The following BFSP2 variants were observed in gnomAD, a reference collection of about 807,000 sequenced individuals.
BFSP2 encodes phakinin.
Under a neutral mutation model 44.9 loss-of-function variants are expected in BFSP2, and 38 were observed. That is an observed-to-expected ratio of 0.85 (90% CI 0.65 to 1.11). The LOEUF (loss-of-function observed/expected upper bound fraction) is 1.11, where lower values mean the gene tolerates loss of function less well. Among genes scored for constraint, BFSP2 ranks in the 50% least tolerant of loss-of-function variants. The pLI is 0.00. For synonymous variants in BFSP2, 197 were observed against 209.9 expected (o/e 0.94, Z 0.53); for missense variants, 525 against 533.0 (o/e 0.99, Z 0.15).
At chr3:133,417,106 C>T (rs1227116857) in intron 1 of BFSP2, among the ~76,000 whole-genome samples, 17 of 141,804 alleles carry the variant, frequency 1.2e-4, no homozygotes, top group Admixed American at 2.8e-4. Flanking sequence ...CCCCTCTACT[C>T]ACCCCTGCCT....
intron 1 of BFSP2, among the ~76,000 whole-genome samples, chr3:133,436,808 A>C (rs1411157916): frequency 6.6e-6 from 1 of 151,900 alleles, no homozygotes; most frequent in Non-Finnish European, 1.5e-5. Flanking sequence ...TCCTGTGTCC[A>C]AGTGTCCTCA....
chr3:133,420,481 G>C (rs377498231), intron 1 of BFSP2, among the ~76,000 whole-genome samples: 1 of 152,172 alleles, frequency 6.6e-6, no homozygotes. Flanking sequence ...GAATCACCGC[G>C]TGCCCTTGTC....
chr3:133,471,957 C>T (rs2074165837), intron 5 of BFSP2, among the ~76,000 whole-genome samples: 1 of 152,038 alleles, frequency 6.6e-6, no homozygotes, highest in Admixed American at 6.6e-5. Flanking sequence ...AGAAAAAGCC[C>T]CGGAGAACAA....
Position 133,429,983 on chromosome 3 carries a change from C to T in BFSP2, c.490-17334C>T, listed in dbSNP as rs376887881. ...ATGTGTTCTCATTGTTCAATTCCCA[C>T]CTATGAGTGAGAACATGCGGTGTTT... On this transcript the variant is annotated intron_variant, in intron 1 of 6. Coordinates refer to ENST00000302334, the MANE Select transcript of BFSP2 (RefSeq NM_003571.4). Among the ~76,000 whole-genome samples the T allele has an allele frequency of 1.7e-4, 26 of 150,638 alleles. 1 individual carries two copies. The highest frequency in any genetic ancestry group is 6.0e-4 in the African/African-American group (24 of 40,104).
intron 1 of BFSP2, among the ~76,000 whole-genome samples, chr3:133,416,368 T>C (rs1255714585): frequency 5.9e-5 from 6 of 101,294 alleles, no homozygotes; most frequent in African/African-American, 7.6e-5. Context: ...CCTCTACTCA[T>C]GCCTGCCCTC....
At chr3:133,426,024 G>C (rs12490880) in intron 1 of BFSP2, among the ~76,000 whole-genome samples, 15 of 29,338 alleles carry the variant, frequency 5.1e-4, no homozygotes, top group African/African-American at 8.6e-4. Flanking sequence ...GAAGGGAAGG[G>C]AAGGGAAGGG....
Position 133,430,712 on chromosome 3 carries a change from C to T in BFSP2, c.490-16605C>T, listed in dbSNP as rs540446929. Among the ~76,000 whole-genome samples, 104 of 152,200 alleles carry T rather than the reference C, an allele frequency of 6.8e-4. 1 individual carries two copies. Among genetic ancestry groups the T allele is most frequent in the African/African-American group, 2.4e-3 (98 of 41,516 alleles). On this transcript the variant is annotated intron_variant, in intron 1 of 6. Transcript: ENST00000302334. ...CCCAATGCAACTCATCCCAAATCTTCCTTCTTTCCCTCCCGCCTGTCCCCT... is the reference window on the plus strand; with the variant it reads ...CCCAATGCAACTCATCCCAAATCTTTCTTCTTTCCCTCCCGCCTGTCCCCT...
At chr3:133,418,509 G>T (rs546945024) in intron 1 of BFSP2, among the ~76,000 whole-genome samples, 2 of 152,070 alleles carry the variant, frequency 1.3e-5, no homozygotes, top group Non-Finnish European at 2.9e-5. Flanking sequence ...GAAATGAGGC[G>T]CTCATGGCAG....
At chr3:133,414,367 C>A (rs572628299) in intron 1 of BFSP2, among the ~76,000 whole-genome samples, 1 of 93,504 alleles carries the variant, frequency 1.1e-5, no homozygotes, top group Non-Finnish European at 2.1e-5. Context: ...CACCCGTCCT[C>A]TCCCCTCTAC....
chr3:133,401,781 A>C (rs1387691187), intron 1 of BFSP2, among the ~76,000 whole-genome samples: 1 of 152,178 alleles, frequency 6.6e-6, no homozygotes, highest in South Asian at 2.1e-4. Flanking sequence ...TCCCAAGAGG[A>C]GGTCACAAAA....
chr3:133,411,051 T>C (rs2073447293), intron 1 of BFSP2, among the ~76,000 whole-genome samples: 1 of 152,216 alleles, frequency 6.6e-6, no homozygotes, highest in Non-Finnish European at 1.5e-5. Context: ...AAAATGTCAT[T>C]TACAGTTTTC....
chr3:133,405,813 T>C (rs2073399191), intron 1 of BFSP2, among the ~76,000 whole-genome samples: 1 of 152,118 alleles, frequency 6.6e-6, no homozygotes, highest in Admixed American at 6.5e-5. Flanking sequence ...GAAAAGTCCG[T>C]TAGAGAGATT....
chr3:133,460,068 G>T (rs1297892591), intron 4 of BFSP2, among the ~76,000 whole-genome samples: 3 of 151,916 alleles, frequency 2.0e-5, no homozygotes, highest in African/African-American at 4.8e-5. Flanking sequence ...ATGTTGGCTG[G>T]TGTACCTGTG....
intron 1 of BFSP2, among the ~76,000 whole-genome samples, chr3:133,434,150 G>A (rs1169875748): frequency 1.3e-5 from 2 of 152,108 alleles, no homozygotes; most frequent in Non-Finnish European, 2.9e-5. Flanking sequence ...ATTTTTGCTG[G>A]CAGGACTATG....
At chr3:133,446,315 G>A (rs1426363200) in intron 1 of BFSP2, among the ~76,000 whole-genome samples, 1 of 151,932 alleles carries the variant, frequency 6.6e-6, no homozygotes, top group Non-Finnish European at 1.5e-5. Context: ...CAGCTACTCA[G>A]GAGGCTGAGG....
chr3:133,467,110 C>A, intron 5 of BFSP2, 151 bp downstream of exon 5: 3 of 1,103,606 alleles, frequency 2.7e-6, no homozygotes, highest in Non-Finnish European at 4.0e-6. Context: ...TCCCAAGGAT[C>A]ATCAGATACT....
rs186168478 is a variant in BFSP2, at chr3:133,417,630, G to A, written c.489+17058G>A. Among the ~76,000 whole-genome samples, 243 of 84,104 alleles carry A rather than the reference G, an allele frequency of 2.9e-3. 1 individual carries two copies. The highest frequency in any genetic ancestry group is 0.011 in the Middle Eastern group (1 of 94). 55.2% of individuals were successfully genotyped at this position (84,104 alleles called of 152,430 possible). A position where few individuals can be genotyped will look rare whatever the true frequency, so the allele number is the denominator to read the frequency against. Reference sequence around the variant, plus strand: ...CCTCTACTCACTCCTGCCATTTCCCGTCTACTCACCCTTGTCCTCTTCCCT... The same window carrying A: ...CCTCTACTCACTCCTGCCATTTCCCATCTACTCACCCTTGTCCTCTTCCCT... On this transcript the variant is annotated intron_variant, in intron 1 of 6. Transcript: ENST00000302334.
In BFSP2 at chr3:133,448,619, G is replaced by T; in HGVS notation, c.703G>T (p.Gly235Cys). ...AATAGAAAGTCTGAAAGAAGAACTT[G>T]GCTCTCTATCAAGAAACTATGAAGA... ...SQIESLKEELGSLSRNYEEDV... is the reference protein window; with the variant it reads ...SQIESLKEELCSLSRNYEEDV... Residue 235 changes from glycine to cysteine, a missense_variant, in exon 3 of 7, where the codon GGC becomes TGC. Coordinates refer to ENST00000302334, the MANE Select transcript of BFSP2 (RefSeq NM_003571.4). 4.3e-6 allele frequency: 7 copies of T among 1,613,916 alleles called. No individual in the cohort carries two copies. Among genetic ancestry groups the T allele is most frequent in the Non-Finnish European group, 5.9e-6 (7 of 1,179,954 alleles).
At position 133,447,465 on chromosome 3, in the gene BFSP2, T is replaced by C. The variant is rs1005645640; in HGVS notation, c.572+66T>C. The C allele has an allele frequency of 7.9e-6, 12 of 1,519,274 alleles. No individual in the cohort carries two copies. In the Admixed American group the frequency reaches 1.1e-4, roughly 14 times the overall value. The allele number at this position is 1,519,274 out of a possible 1,614,324, so 94.1% of individuals were successfully genotyped here. On this transcript the variant is annotated intron_variant, in intron 2 of 6. Transcript: ENST00000302334. ...TAGACTCCTAGGCAAGTGTGGATAA[T>C]GCTGTTCTGGAGCCTGCATCATCCA...
Sources: gnomAD v4.1 joint callset for allele counts (sites outside exome capture counted in the v4.1 genomes callset) on GRCh38, gnomAD v4.1.1 for gene constraint, MANE v1.5 for transcripts, NCBI Gene and HGNC (gene_info 2026-07-23, HGNC 2026-07-21) for gene names.